The following RCAN2 variants were observed in gnomAD, a reference collection of about 807,000 sequenced individuals.
RCAN2 encodes the protein calcipressin-2.
RCAN2 carries 9 observed loss-of-function variants against 23.6 expected under a neutral mutation model. That is an observed-to-expected ratio of 0.38 (90% CI 0.23 to 0.67). The LOEUF is 0.67. RCAN2 is among the 30% of genes least tolerant of loss of function. RCAN2 has a pLI of 0.51. For missense variants in RCAN2, 273 were observed against 302.3 expected (o/e 0.90, Z 0.72); for synonymous variants, 109 against 115.7 (o/e 0.94, Z 0.37).
chr6:46,228,954 G>A (rs956368625), intron 4 of RCAN2, among the ~76,000 whole-genome samples: 5 of 152,126 alleles, frequency 3.3e-5, no homozygotes, highest in African/African-American at 9.7e-5. Context: ...AGCTCTTTTA[G>A]GGCAGGCCTG....
At chr6:46,447,534 C>A (rs533601272) in intron 2 of RCAN2, among the ~76,000 whole-genome samples, 18 of 151,964 alleles carry the variant, frequency 1.2e-4, no homozygotes, top group African/African-American at 4.3e-4. Flanking sequence ...CCAACAGCAG[C>A]AGGATATATA....
At chr6:46,409,665 C>T (rs1043584381) in intron 2 of RCAN2, among the ~76,000 whole-genome samples, 2 of 152,192 alleles carry the variant, frequency 1.3e-5, no homozygotes, top group Non-Finnish European at 2.9e-5. Flanking sequence ...TGCTGAGTGC[C>T]AGGAACTATG....
intron 2 of RCAN2, among the ~76,000 whole-genome samples, chr6:46,289,789 G>A (rs914753667): frequency 3.3e-5 from 5 of 152,090 alleles, no homozygotes; most frequent in African/African-American, 1.2e-4. Flanking sequence ...TTGAGTAATA[G>A]GACCCTCACC....
intron 2 of RCAN2, among the ~76,000 whole-genome samples, chr6:46,375,118 T>C (rs147970852): frequency 6.6e-6 from 1 of 152,262 alleles, no homozygotes; most frequent in Non-Finnish European, 1.5e-5. Flanking sequence ...CTAATTTCTG[T>C]ATGTTTAGTA....
chr6:46,233,222 G>T (rs1765960193), intron 4 of RCAN2, among the ~76,000 whole-genome samples: 1 of 152,224 alleles, frequency 6.6e-6, no homozygotes. Context: ...CAATGATTGA[G>T]TTAACCGCAT....
At chr6:46,247,765 G>A (rs2150317732) in intron 3 of RCAN2, among the ~76,000 whole-genome samples, 1 of 152,306 alleles carries the variant, frequency 6.6e-6, no homozygotes, top group African/African-American at 2.4e-5. Flanking sequence ...ATGGACATTT[G>A]AATGGTTTCC....
At position 46,357,132 on chromosome 6, in the gene RCAN2, G is replaced by A. The variant is rs1032188067; in HGVS notation, c.225+99620C>T. On this transcript the variant is annotated intron_variant, in intron 2 of 4. Transcript: ENST00000371374. ...AGGCTGCCTCTGCCAAGACATAAGG[G>A]CCCAGCTGGCCACAGGCTGAAGATG... is the stretch of plus-strand genomic sequence containing the variant. 1.4e-3 allele frequency among the ~76,000 whole-genome samples: 216 copies of A among 152,238 alleles called. 2 individuals carry two copies. Among genetic ancestry groups the A allele is most frequent in the Non-Finnish European group, 1.8e-4 (12 of 68,016 alleles).
In RCAN2 at chr6:46,456,960, T is replaced by C. The variant is rs1338723379; in HGVS notation, c.17A>G (p.Tyr6Cys). Residue 6 changes from tyrosine to cysteine, a missense_variant, in exon 2 of 5, where the codon TAC (tyrosine) becomes TGC (cysteine). Tyr to Cys is a radical substitution (Grantham distance 194). Transcript: ENST00000371374. ...CCCTGGGCTCCTCATTCCGATGAAG[T>C]ATGATTCTCCCCTCATTCCTGGGGA... is the stretch of plus-strand genomic sequence containing the variant. MRGES[Y>C]FIGMRSPGQQ... 6.5e-7 allele frequency: 1 copy of C among 1,550,372 alleles called. No individual in the cohort carries two copies. The highest frequency in any genetic ancestry group is 8.7e-7 in the Non-Finnish European group (1 of 1,146,548).
intron 2 of RCAN2, among the ~76,000 whole-genome samples, chr6:46,364,736 A>G (rs933225986): frequency 2.0e-5 from 3 of 152,170 alleles, no homozygotes; most frequent in South Asian, 2.1e-4. Context: ...AAAGGGTGCT[A>G]TCACCAACTG....
At chr6:46,223,423 T>C (rs542097824) in intron 4 of RCAN2, 122 bp from the exon 5 acceptor site, 39 of 856,802 alleles carry the variant, frequency 4.6e-5, no homozygotes, top group Non-Finnish European at 6.8e-5. Context: ...TGTGATCTTA[T>C]GCAGGGATGG....
chr6:46,431,568 A>T (rs1767208189), intron 2 of RCAN2, among the ~76,000 whole-genome samples: 1 of 152,148 alleles, frequency 6.6e-6, no homozygotes, highest in South Asian at 2.1e-4. Context: ...CATCTGAACG[A>T]CTCAAATATT....
chr6:46,407,818 C>T (rs1170047126), intron 2 of RCAN2, among the ~76,000 whole-genome samples: 1 of 152,178 alleles, frequency 6.6e-6, no homozygotes, highest in Non-Finnish European at 1.5e-5. Context: ...TGCTATGCAG[C>T]AGACCTTTAG....
At chr6:46,461,418 A>C (rs1182077025) in intron 1 of RCAN2, among the ~76,000 whole-genome samples, 1 of 152,210 alleles carries the variant, frequency 6.6e-6, no homozygotes, top group East Asian at 1.9e-4. Flanking sequence ...AAAAACCACT[A>C]TCCACTATTA....
At chr6:46,293,699 G>A (rs370642415) in intron 2 of RCAN2, among the ~76,000 whole-genome samples, 13 of 152,234 alleles carry the variant, frequency 8.5e-5, no homozygotes, top group African/African-American at 2.2e-4. Context: ...CCCTTTTTAT[G>A]AGGAAAGACA....
intron 2 of RCAN2, among the ~76,000 whole-genome samples, chr6:46,392,317 T>C (rs1314803852): frequency 6.6e-6 from 1 of 152,214 alleles, no homozygotes; most frequent in East Asian, 1.9e-4. Flanking sequence ...AGAAATCTTA[T>C]TGAAAACAGA....
chr6:46,383,231 A>G (rs1334679023), intron 2 of RCAN2, among the ~76,000 whole-genome samples: 1 of 150,762 alleles, frequency 6.6e-6, no homozygotes, highest in Non-Finnish European at 1.5e-5. Flanking sequence ...TAGGAGAGGC[A>G]ACCAGAGAAG....
At chr6:46,291,928 T>C (rs1762573171) in intron 2 of RCAN2, among the ~76,000 whole-genome samples, 1 of 152,202 alleles carries the variant, frequency 6.6e-6, no homozygotes, top group Non-Finnish European at 1.5e-5. Context: ...CTGGCGAAGA[T>C]ACAGAGACAT....
At chr6:46,454,342 G>A (rs1767962605) in intron 2 of RCAN2, among the ~76,000 whole-genome samples, 1 of 152,162 alleles carries the variant, frequency 6.6e-6, no homozygotes, top group Non-Finnish European at 1.5e-5. Context: ...AATATGCAGT[G>A]AAAATGAGAT....
intron 1 of RCAN2, among the ~76,000 whole-genome samples, chr6:46,469,328 GA>G (rs1356715933): frequency 1.3e-5 from 2 of 151,996 alleles, no homozygotes; most frequent in East Asian, 1.9e-4. Context: ...TTCTAGCCTA[GA>G]AAAAAAACAA....
Sources: allele counts gnomAD v4.1 joint callset (sites outside exome capture counted in the v4.1 genomes callset), GRCh38; gene constraint gnomAD v4.1.1; transcripts MANE v1.5; gene names NCBI Gene and HGNC (gene_info 2026-07-23, HGNC 2026-07-21).